The following PRAG1 variants were observed in gnomAD, a reference collection of about 807,000 sequenced individuals.
The protein encoded by PRAG1 is inactive tyrosine-protein kinase PRAG1.
A neutral mutation model predicts 95.6 loss-of-function variants in PRAG1; 110 were observed. The ratio of observed to expected loss-of-function variants is 1.15; its 90% CI spans 0.99 to 1.35. PRAG1 has a LOEUF of 1.35. Among genes scored for constraint, PRAG1 ranks in the 40% most tolerant of loss-of-function variants. PRAG1 has a pLI of 0.00. For missense variants in PRAG1, 2,554 were observed against 1,864.7 expected (o/e 1.37, Z -6.81); for synonymous variants, 1,052 against 819.4 (o/e 1.28, Z -4.85).
At position 8,336,928 on chromosome 8, in the gene PRAG1, G is replaced by A. The variant is rs1427500672; in HGVS notation, c.2320+2550C>T. ...CCCTTTCCCCCCTCCCCCCACCTCCGACATAAAGCATGAATCACTAACTTT... is the reference window on the plus strand; with the variant it reads ...CCCTTTCCCCCCTCCCCCCACCTCCAACATAAAGCATGAATCACTAACTTT... On this transcript the variant is annotated intron_variant, in intron 4 of 5. Transcript: ENST00000615670. 1.5e-3 allele frequency among the ~76,000 whole-genome samples: 12 copies of A among 8,022 alleles called. No homozygotes were observed. In the East Asian group the frequency reaches 0.034, roughly 23 times the overall value. The allele number at this position is 8,022 out of a possible 152,430, so 5.3% of individuals were successfully genotyped here.
At chr8:8,345,973 G>C (rs930698629) in intron 3 of PRAG1, among the ~76,000 whole-genome samples, 1 of 152,122 alleles carries the variant, frequency 6.6e-6, no homozygotes, top group Non-Finnish European at 1.5e-5. Flanking sequence ...TCAAAGCACA[G>C]ACTTACAATC....
At chr8:8,373,684 C>T (rs1732579347) in intron 3 of PRAG1, among the ~76,000 whole-genome samples, 1 of 152,162 alleles carries the variant, frequency 6.6e-6, no homozygotes, top group Non-Finnish European at 1.5e-5. Context: ...AAGTCCTGGG[C>T]TCAAGCAGTC....
At chr8:8,375,072 A>G (rs1289703716) in intron 3 of PRAG1, among the ~76,000 whole-genome samples, 1 of 136,032 alleles carries the variant, frequency 7.4e-6, no homozygotes, top group African/African-American at 2.7e-5. Context: ...TGCACAGCTC[A>G]ATAACTAAAA....
At chr8:8,368,554 A>G (rs781282239) in intron 3 of PRAG1, among the ~76,000 whole-genome samples, 1 of 152,248 alleles carries the variant, frequency 6.6e-6, no homozygotes, top group Non-Finnish European at 1.5e-5. Flanking sequence ...AAGGAAACGT[A>G]AGATCTTTAA....
intron 3 of PRAG1, among the ~76,000 whole-genome samples, chr8:8,346,272 G>T (rs1349005880): frequency 6.6e-6 from 1 of 152,248 alleles, no homozygotes; most frequent in African/African-American, 2.4e-5. Flanking sequence ...TTTTCTGTCT[G>T]TTTGGTGAAT....
chr8:8,338,799 C>T (rs758489845), intron 4 of PRAG1, among the ~76,000 whole-genome samples: 7 of 152,120 alleles, frequency 4.6e-5, no homozygotes, highest in Non-Finnish European at 7.4e-5. Flanking sequence ...AGTCTAAATC[C>T]AACATGCTAA....
chr8:8,375,665 T>A (rs972228267), intron 3 of PRAG1, among the ~76,000 whole-genome samples: 1 of 152,210 alleles, frequency 6.6e-6, no homozygotes, highest in African/African-American at 2.4e-5. Context: ...TAAAAAAATT[T>A]TTTTTAACTT....
intron 3 of PRAG1, among the ~76,000 whole-genome samples, chr8:8,375,027 G>A (rs1052222628): frequency 2.0e-5 from 3 of 150,916 alleles, no homozygotes; most frequent in Admixed American, 6.6e-5. Flanking sequence ...CGCTCTAATC[G>A]AGAGAAATTT....
chr8:8,333,581 T>A (rs1798889115), intron 4 of PRAG1, among the ~76,000 whole-genome samples: 1 of 152,210 alleles, frequency 6.6e-6, no homozygotes, highest in African/African-American at 2.4e-5. Context: ...ACTCTGAGGT[T>A]TTCCTTATTA....
intron 4 of PRAG1, among the ~76,000 whole-genome samples, chr8:8,334,990 G>C (rs1450812402): frequency 1.3e-5 from 2 of 151,844 alleles, no homozygotes; most frequent in Non-Finnish European, 2.9e-5. Flanking sequence ...AGAATTGTTT[G>C]AACCCTGGAG....
At chr8:8,326,157 TAATA>T (rs1241390510) in intron 5 of PRAG1, among the ~76,000 whole-genome samples, 4 of 145,992 alleles carry the variant, frequency 2.7e-5, no homozygotes, top group East Asian at 1.9e-4. Flanking sequence ...TATATATAAA[TAATA>T]AATAATTATA....
intron 3 of PRAG1, among the ~76,000 whole-genome samples, chr8:8,365,626 A>AAAAT (rs984017154): frequency 8.6e-5 from 13 of 151,896 alleles, no homozygotes; most frequent in East Asian, 7.8e-4. Context: ...CTCCAACTCA[A>AAAAT]AAATAAATAA....
At chr8:8,338,082 G>C (rs1236346886) in intron 4 of PRAG1, among the ~76,000 whole-genome samples, 4 of 152,086 alleles carry the variant, frequency 2.6e-5, no homozygotes, top group Admixed American at 2.0e-4. Context: ...TAAGTCCCAT[G>C]TTCTCATAAA....
chr8:8,363,882 G>C (rs1799922664), intron 3 of PRAG1, among the ~76,000 whole-genome samples: 1 of 152,006 alleles, frequency 6.6e-6, no homozygotes, highest in African/African-American at 2.4e-5. Context: ...AGTTATTTCA[G>C]TCAATACCAG....
rs777296497 is a variant in PRAG1 at position 8,378,066 on chromosome 8, G to T, written c.343C>A (p.Arg115=). The T allele has an allele frequency of 1.3e-6, 2 of 1,536,898 alleles. No individual in the cohort carries two copies. Among genetic ancestry groups the T allele is most frequent in the African/African-American group, 2.8e-5 (2 of 72,426 alleles). ...SAEVSQVIWR[R]APGKLPLPKQ... The stretch of plus-strand genomic sequence containing the variant: ...GGGAGGGGGAGCTTGCCAGGGGCTC[G>T]TCTCCAGATGACCTACACACAAGCC... Residue 115 remains arginine, a synonymous_variant, in exon 3 of 6, where the codon CGA becomes AGA. Transcript: ENST00000615670.
chr8:8,339,465 T>A lies in PRAG1; in HGVS notation c.2320+13A>T, dbSNP rs1799096810. The A allele has an allele frequency of 6.2e-7, 1 of 1,612,962 alleles. No individual in the cohort carries two copies. The highest frequency in any genetic ancestry group is 2.2e-5 in the East Asian group (1 of 44,828). ...GAGAATCTAAGCCTCTCCGTCAATG[T>A]CAAGTTTGTTACCTCCATCGCTGCA... On this transcript the variant is annotated intron_variant, in intron 4 of 5. Transcript: ENST00000615670.
rs1179341619 is a variant in PRAG1, at chr8:8,319,285, C to T, written c.3090G>A (p.Glu1030=). The change falls in exon 6 of 6, where the codon GAG becomes GAA. Residue 1030 remains glutamate, a synonymous_variant. Coordinates refer to ENST00000615670, the MANE Select transcript of PRAG1 (RefSeq NM_001080826.3). ...GGCTGCAGTAGGAGACTGTTTTGGG[C>T]TCAGGGGCTTTGCAGATCTGTGGAG... ...TYAVKICKAP[E]PKTVSYCSPS... is the part of the protein sequence containing the mutation. 5.3e-6 allele frequency: 8 copies of T among 1,514,266 alleles called. No individual in the cohort carries two copies. The Admixed American group carries it at 6.3e-5, about 12-fold the overall frequency. The allele number at this position is 1,514,266 out of a possible 1,614,324, so 93.8% of individuals were successfully genotyped here. A position where few individuals can be genotyped will look rare whatever the true frequency, so the allele number is the denominator to read the frequency against.
intron 2 of PRAG1, among the ~76,000 whole-genome samples, chr8:8,378,599 C>T (rs1800517371): frequency 6.6e-6 from 1 of 152,112 alleles, no homozygotes; most frequent in African/African-American, 2.4e-5. Context: ...GTGGCTCATA[C>T]CTGTAATCCC....
chr8:8,318,505 C>T lies in PRAG1; in HGVS notation c.3870G>A (p.Leu1290=). The T allele has an allele frequency of 6.2e-7, 1 of 1,611,618 alleles. No homozygotes were observed. The highest frequency in any genetic ancestry group is 8.5e-7 in the Non-Finnish European group (1 of 1,179,546). The stretch of plus-strand genomic sequence containing the variant: ...CGGGTGAGTAGAGGGACAGCGCGGG[C>T]AGCGGCGGCAGGTCCTCCTGCCGGT... ...RDYRQEDLPP[L]PALSLYSPGL... The change falls in exon 6 of 6, where the codon CTG becomes CTA. Residue 1290 remains leucine (L), a synonymous_variant. Transcript: ENST00000615670. The surrounding 1 kb of genome is among the most constrained non-coding windows in gnomAD (Gnocchi z 4.2).
Sources: gnomAD v4.1 joint callset for allele counts (sites outside exome capture counted in the v4.1 genomes callset) on GRCh38, gnomAD v4.1.1 for gene constraint, Gnocchi (gnomAD v3.1) non-coding constraint, MANE v1.5 for transcripts, NCBI Gene and HGNC (gene_info 2026-07-23, HGNC 2026-07-21) for gene names.